SDK2: variants seen among roughly 807,000 people sequenced by gnomAD.
The protein encoded by SDK2 is sidekick cell adhesion molecule 2.
SDK2 carries 105 observed loss-of-function variants against 253.9 expected under a neutral mutation model. The ratio of observed to expected loss-of-function variants is 0.41; its 90% CI spans 0.35 to 0.49. SDK2 has a LOEUF of 0.49. SDK2 is among the 20% of genes least tolerant of loss of function. The pLI is 0.06. For missense variants in SDK2, 2,608 were observed against 3,003.0 expected, an observed-to-expected ratio of 0.87 and a Z score of 3.07; for synonymous variants, 1,249 against 1,234.9, an observed-to-expected ratio of 1.01 and a Z score of -0.24.
At chr17:73,516,789 G>T (rs1458328970) in intron 1 of SDK2, 1 of 152,296 alleles carries the variant, frequency 6.6e-6, no homozygotes, top group Non-Finnish European at 1.5e-5. Flanking sequence ...AGCTGTTCCT[G>T]AATGGATTTC....
intron 6 of SDK2, among the ~76,000 whole-genome samples, chr17:73,440,447 T>C (rs1260641048): frequency 6.6e-6 from 1 of 152,112 alleles, no homozygotes; most frequent in Non-Finnish European, 1.5e-5. Flanking sequence ...CCATGCACAC[T>C]TCCCTCCTGC....
chr17:73,585,863 C>CAAAT (rs2045596507), intron 1 of SDK2, among the ~76,000 whole-genome samples: 1 of 152,172 alleles, frequency 6.6e-6, no homozygotes, highest in Non-Finnish European at 1.5e-5. Context: ...GCTCCAATTT[C>CAAAT]CACGTCTCTA....
chr17:73,431,755 C>T lies in SDK2; in HGVS notation c.1313-86G>A. The T allele has an allele frequency of 7.6e-7, 1 of 1,320,944 alleles. No individual in the cohort carries two copies. The highest frequency in any genetic ancestry group is 1.0e-6 in the Non-Finnish European group (1 of 993,056). 81.8% of individuals were successfully genotyped at this position (1,320,944 alleles called of 1,614,324 possible). On this transcript the variant is annotated intron_variant, in intron 10 of 44. Transcript: ENST00000392650. This position sits in a 1 kb window ranked among gnomAD's most constrained non-coding sequence, Gnocchi z 5.6. Reference sequence around the variant, plus strand: ...CTGGCCGCTCCAGGGCAGCATGGTCCCCCCACAGGCCCCTGGCTCTGGAAA... The same window carrying T: ...CTGGCCGCTCCAGGGCAGCATGGTCTCCCCACAGGCCCCTGGCTCTGGAAA...
chr17:73,458,920 C>T (rs1160320277), intron 3 of SDK2, among the ~76,000 whole-genome samples: 2 of 152,178 alleles, frequency 1.3e-5, no homozygotes, highest in Non-Finnish European at 2.9e-5. Flanking sequence ...AGGAGAATCG[C>T]TTGAACCTGG....
At chr17:73,614,508 G>C (rs1253521727) in intron 1 of SDK2, among the ~76,000 whole-genome samples, 1 of 145,802 alleles carries the variant, frequency 6.9e-6, no homozygotes. Context: ...AAGACACTTT[G>C]TATGTTGGGT....
At chr17:73,351,114 T>A (rs1160489994) in intron 41 of SDK2, among the ~76,000 whole-genome samples, 1 of 86,758 alleles carries the variant, frequency 1.2e-5, no homozygotes, top group African/African-American at 6.3e-5. Context: ...TTTTTCCCCT[T>A]TTTTTTTTTT....
rs4035979 is a variant in SDK2 at position 73,337,503 on chromosome 17, A to ATG, written c.*1082_*1083dup. 91,700 of 148,166 alleles carry ATG rather than the reference A, an allele frequency of 0.62. 28,559 individuals carry two copies. Among genetic ancestry groups the ATG allele is most frequent in the Admixed American group, 0.75 (11,105 of 14,832 alleles). 9.2% of individuals were successfully genotyped at this position (148,166 alleles called of 1,614,324 possible). On this transcript the variant is annotated 3_prime_UTR_variant, in exon 45 of 45. Coordinates refer to ENST00000392650, the MANE Select transcript of SDK2 (RefSeq NM_001144952.2). ...CCTGTTCCTTGTAAGTGCATGGGAG[A>ATG]TGTGTGTGTGTGTGTGTGTGTGGTG...
chr17:73,616,205 C>G lies in SDK2; in HGVS notation c.64+27820G>C, dbSNP rs1254881440. ...AGCCACTTGCATGCTACCTTGCAAA[C>G]TGACCTCAGGGCACTGTGAACCTTG... On this transcript the variant is annotated intron_variant, in intron 1 of 44. Transcript: ENST00000392650. The surrounding 1 kb of genome is among the most constrained non-coding windows in gnomAD (Gnocchi z 5.2). Among the ~76,000 whole-genome samples the G allele has an allele frequency of 1.3e-5, 2 of 152,162 alleles. No individual in the cohort carries two copies. The highest frequency in any genetic ancestry group is 2.9e-5 in the Non-Finnish European group (2 of 68,022).
At chr17:73,626,397 C>T (rs955859935) in intron 1 of SDK2, among the ~76,000 whole-genome samples, 3 of 152,218 alleles carry the variant, frequency 2.0e-5, no homozygotes, top group African/African-American at 4.8e-5. Flanking sequence ...AAATGCACGG[C>T]GCCCAGCTAT....
Position 73,422,444 on chromosome 17 carries a change from C to T in SDK2, c.1898-10G>A, listed in dbSNP as rs2063240566. 2 of 1,613,396 alleles carry T rather than the reference C, an allele frequency of 1.2e-6. No individual in the cohort carries two copies. Among genetic ancestry groups the T allele is most frequent in the Non-Finnish European group, 1.7e-6 (2 of 1,179,494 alleles). The stretch of plus-strand genomic sequence containing the variant: ...ACAGTCCAGGGGGCATCTGCAGGGA[C>T]AGTGAGTGGGGCAGAAGTGGGTATC... On this transcript the variant is annotated splice_polypyrimidine_tract_variant and intron_variant, in intron 14 of 44. Transcript: ENST00000392650.
chr17:73,398,376 A>T lies in SDK2; in HGVS notation c.3147T>A (p.Asn1049Lys). Residue 1049 changes from asparagine (N) to lysine (K), a missense_variant, in exon 23 of 45, where the codon AAT (asparagine) becomes AAA (lysine). Coordinates refer to ENST00000392650, the MANE Select transcript of SDK2 (RefSeq NM_001144952.2). ...EEWLLIHQLS[N>K]EPDARSMEVP... ...CCTCCATGGAGCGGGCATCGGGCTC[A>T]TTGGAGAGCTGGTGGATCAGCAACC... The T allele has an allele frequency of 6.2e-7, 1 of 1,613,940 alleles. No homozygotes were observed. Among genetic ancestry groups the T allele is most frequent in the East Asian group, 2.2e-5 (1 of 44,860 alleles).
At chr17:73,628,832 G>C (rs551053874) in intron 1 of SDK2, among the ~76,000 whole-genome samples, 1 of 152,250 alleles carries the variant, frequency 6.6e-6, no homozygotes, top group East Asian at 1.9e-4. Flanking sequence ...CCAAAGCCAC[G>C]CCCCAGAGAC....
At chr17:73,628,618 T>C (rs1027972841) in intron 1 of SDK2, among the ~76,000 whole-genome samples, 2 of 152,164 alleles carry the variant, frequency 1.3e-5, no homozygotes, top group Admixed American at 6.5e-5. Context: ...ACTGACCACC[T>C]GGGACGGGCC....
At chr17:73,605,874 G>A (rs1295587994) in intron 1 of SDK2, among the ~76,000 whole-genome samples, 1 of 152,080 alleles carries the variant, frequency 6.6e-6, no homozygotes, top group African/African-American at 2.4e-5. Flanking sequence ...TCTGGACTCA[G>A]CCTCCTGCTC....
intron 1 of SDK2, among the ~76,000 whole-genome samples, chr17:73,554,073 C>A (rs758066905): frequency 6.6e-6 from 1 of 152,122 alleles, no homozygotes; most frequent in Non-Finnish European, 1.5e-5. Flanking sequence ...CTATTCCTAA[C>A]CCTGGAGCAG....
At chr17:73,476,936 T>C (rs187402175) in intron 2 of SDK2, among the ~76,000 whole-genome samples, 333 of 151,968 alleles carry the variant, frequency 2.2e-3, no homozygotes, top group Admixed American at 6.3e-3. Context: ...CTCCCGCTCC[T>C]CCGCCTCCGT....
rs1048241057 is a variant in SDK2 at position 73,447,658 on chromosome 17, G to A, written c.570C>T (p.Asn190=). 50 of 1,551,636 alleles carry A rather than the reference G, an allele frequency of 3.2e-5. No homozygotes were observed. The highest frequency in any genetic ancestry group is 1.9e-4 in the South Asian group (16 of 84,064). ...TGGGCTGGCTGGTCTTGTTATCCCC[G>A]TTTTTGTCGTTAACAGCCTGCACAT... ...RYYVQAVNDK[N]GDNKTSQPIT... The change falls in exon 5 of 45, where the codon AAC becomes AAT. Residue 190 remains asparagine, a synonymous_variant. Coordinates refer to ENST00000392650, the MANE Select transcript of SDK2 (RefSeq NM_001144952.2). The surrounding 1 kb of genome is among the most constrained non-coding windows in gnomAD (Gnocchi z 4.0).
At chr17:73,411,980 ATCTACG>A (rs2063131231) in intron 18 of SDK2, among the ~76,000 whole-genome samples, 2 of 31,122 alleles carry the variant, frequency 6.4e-5, no homozygotes, top group Non-Finnish European at 1.5e-4. Context: ...GTATATATAT[ATCTACG>A]TATATATATA....
intron 2 of SDK2, among the ~76,000 whole-genome samples, chr17:73,483,569 ATATG>A (rs1484101458): frequency 3.5e-5 from 5 of 141,754 alleles, no homozygotes; most frequent in African/African-American, 7.9e-5. Flanking sequence ...ATATGTATAT[ATATG>A]TATGTGTATA....
Sources: gnomAD v4.1 joint callset for allele counts (sites outside exome capture counted in the v4.1 genomes callset) on GRCh38, gnomAD v4.1.1 for gene constraint, Gnocchi (gnomAD v3.1) non-coding constraint, MANE v1.5 for transcripts, NCBI Gene and HGNC (gene_info 2026-07-23, HGNC 2026-07-21) for gene names.